The following SRBD1 variants were observed in gnomAD, a reference collection of about 807,000 sequenced individuals.
SRBD1 encodes the protein S1 RNA binding domain 1.
SRBD1 carries 88 observed loss-of-function variants against 115.3 expected under a neutral mutation model. The ratio of observed to expected loss-of-function variants is 0.76; its 90% confidence interval spans 0.64 to 0.91. The LOEUF (loss-of-function observed/expected upper bound fraction) is 0.91, where lower values mean the gene tolerates loss of function less well. Ranked by LOEUF, SRBD1 falls within the 40% of genes least tolerant of loss-of-function variation. The pLI, the probability that SRBD1 is intolerant of heterozygous loss-of-function variation, is 0.00. For synonymous variants in SRBD1, 509 were observed against 407.7 expected, an observed-to-expected ratio of 1.25 and a Z score of -2.99; for missense variants, 1,385 against 1,177.4, an observed-to-expected ratio of 1.18 and a Z score of -2.58.
intron 16 of SRBD1, among the ~76,000 whole-genome samples, chr2:45,422,338 C>T (rs1197548265): frequency 6.6e-6 from 1 of 152,214 alleles, no homozygotes; most frequent in African/African-American, 2.4e-5. Flanking sequence ...TAGCATTTAT[C>T]CCATTTCTGC....
intron 16 of SRBD1, among the ~76,000 whole-genome samples, chr2:45,423,686 T>G (rs1479066342): frequency 2.0e-5 from 3 of 152,094 alleles, no homozygotes; most frequent in Non-Finnish European, 4.4e-5. Flanking sequence ...ACTTCTTACC[T>G]ATTCTATGAG....
At chr2:45,590,106 A>G (rs184281973) in intron 4 of SRBD1, among the ~76,000 whole-genome samples, 76 of 152,384 alleles carry the variant, frequency 5.0e-4, no homozygotes, top group East Asian at 4.8e-3. Context: ...ACCAATGCAC[A>G]TGTTTTAAAT....
intron 12 of SRBD1, among the ~76,000 whole-genome samples, chr2:45,550,266 A>G (rs1339259397): frequency 6.6e-6 from 1 of 152,162 alleles, no homozygotes; most frequent in Admixed American, 6.5e-5. Context: ...ATGTAATTGG[A>G]GTTCCAGAAA....
At chr2:45,609,944 C>G (rs1490708507) in intron 1 of SRBD1, among the ~76,000 whole-genome samples, 4 of 152,116 alleles carry the variant, frequency 2.6e-5, no homozygotes, top group Non-Finnish European at 5.9e-5. Flanking sequence ...AACAGATGCC[C>G]TACAACTATT....
intron 14 of SRBD1, among the ~76,000 whole-genome samples, chr2:45,494,585 A>T (rs948066501): frequency 5.3e-5 from 8 of 152,204 alleles, no homozygotes; most frequent in East Asian, 3.8e-4. Context: ...ATGAATGATT[A>T]AAAAAATCTT....
chr2:45,491,180 C>T (rs1366649384), intron 14 of SRBD1, among the ~76,000 whole-genome samples: 1 of 152,034 alleles, frequency 6.6e-6, no homozygotes, highest in Non-Finnish European at 1.5e-5. Context: ...CAAAAGTACA[C>T]TAAATTTACG....
chr2:45,540,839 C>T (rs1671911125), intron 14 of SRBD1, among the ~76,000 whole-genome samples: 1 of 152,168 alleles, frequency 6.6e-6, no homozygotes, highest in East Asian at 1.9e-4. Context: ...TCCACTAGGG[C>T]AGCTAAATTT....
chr2:45,414,777 C>CACACACAGTGTGTATATAGTATGT (rs1667742294), intron 18 of SRBD1, among the ~76,000 whole-genome samples: 1 of 78,736 alleles, frequency 1.3e-5, no homozygotes, highest in African/African-American at 5.0e-5. Flanking sequence ...ATAGTATGTA[C>CACACACAGTGTGTATATAGTATGT]ACACACACAT....
intron 16 of SRBD1, among the ~76,000 whole-genome samples, chr2:45,420,432 C>A (rs1288905220): frequency 1.3e-5 from 2 of 152,212 alleles, no homozygotes; most frequent in Admixed American, 1.3e-4. Context: ...GAAGACAGTA[C>A]TGTTTATATG....
At chr2:45,496,790 G>C (rs1670472999) in intron 14 of SRBD1, among the ~76,000 whole-genome samples, 1 of 152,046 alleles carries the variant, frequency 6.6e-6, no homozygotes, top group South Asian at 2.1e-4. Context: ...CCAGTCAAAG[G>C]AGACCCTATC....
intron 10 of SRBD1, among the ~76,000 whole-genome samples, chr2:45,554,887 A>T (rs1672424247): frequency 1.3e-5 from 2 of 152,128 alleles, no homozygotes; most frequent in South Asian, 4.1e-4. Flanking sequence ...CCTGAACATT[A>T]TGAAATGTTA....
At chr2:45,503,931 A>G (rs985167929) in intron 14 of SRBD1, among the ~76,000 whole-genome samples, 1 of 152,130 alleles carries the variant, frequency 6.6e-6, no homozygotes, top group African/African-American at 2.4e-5. Context: ...AAGATAAAGA[A>G]AGTTTAAATT....
intron 1 of SRBD1, among the ~76,000 whole-genome samples, chr2:45,610,975 C>A (rs569893682): frequency 6.6e-6 from 1 of 151,086 alleles, no homozygotes; most frequent in East Asian, 1.9e-4. Context: ...GTCTGTTATG[C>A]GCTAAGAGCT....
intron 14 of SRBD1, among the ~76,000 whole-genome samples, chr2:45,489,358 C>T (rs1049379359): frequency 6.6e-6 from 1 of 152,172 alleles, no homozygotes; most frequent in Non-Finnish European, 1.5e-5. Flanking sequence ...TGACATGTAA[C>T]GTACTGCCCC....
In SRBD1 at chr2:45,611,127, G is replaced by A. The variant is rs571758199; in HGVS notation, c.-1+92C>T. 2.0e-5 allele frequency: 3 copies of A among 152,322 alleles called. No homozygotes were observed. The South Asian group carries it at 6.2e-4, about 32-fold the overall frequency. The allele number at this position is 152,322 out of a possible 1,614,324, so 9.4% of individuals were successfully genotyped here. A position where few individuals can be genotyped will look rare whatever the true frequency, so the allele number is the denominator to read the frequency against. ...GTGTTATTGCCCAAATGAGCGCTCAGAACTTTTTTAATGGCCCCAAAGATC... is the reference window on the plus strand; with the variant it reads ...GTGTTATTGCCCAAATGAGCGCTCAAAACTTTTTTAATGGCCCCAAAGATC... On this transcript the variant is annotated intron_variant, in intron 1 of 20. Coordinates refer to ENST00000263736, the MANE Select transcript of SRBD1 (RefSeq NM_018079.5).
intron 16 of SRBD1, among the ~76,000 whole-genome samples, chr2:45,424,234 C>T (rs184354381): frequency 2.0e-5 from 3 of 152,192 alleles, no homozygotes; most frequent in Admixed American, 2.0e-4. Context: ...ATACTTTGTG[C>T]TAGGCAGCTT....
At chr2:45,608,264 G>C (rs1674335288) in intron 1 of SRBD1, among the ~76,000 whole-genome samples, 1 of 152,138 alleles carries the variant, frequency 6.6e-6, no homozygotes, top group Non-Finnish European at 1.5e-5. Flanking sequence ...TGAGTGAGTT[G>C]TAATATTTCT....
chr2:45,549,824 C>A (rs910206123), intron 12 of SRBD1, among the ~76,000 whole-genome samples: 1 of 151,934 alleles, frequency 6.6e-6, no homozygotes, highest in African/African-American at 2.4e-5. Flanking sequence ...GATCACGCCA[C>A]TGTGCTCCAG....
intron 15 of SRBD1, among the ~76,000 whole-genome samples, chr2:45,486,983 ATCACGCTGAGCTGCTGTGC>A (rs1301135747): frequency 6.6e-6 from 1 of 152,122 alleles, no homozygotes; most frequent in Non-Finnish European, 1.5e-5. Flanking sequence ...GGAGACAGAG[ATCACGCTGAGCTGCTGTGC>A]TAAGAAGCAG....
Sources: gnomAD v4.1 joint callset for allele counts (sites outside exome capture counted in the v4.1 genomes callset) on GRCh38, gnomAD v4.1.1 for gene constraint, MANE v1.5 for transcripts, NCBI Gene and HGNC (gene_info 2026-07-23, HGNC 2026-07-21) for gene names.